RASA3: variants seen among roughly 807,000 people sequenced by gnomAD.
RASA3 encodes ras GTPase-activating protein 3.
Under a neutral mutation model 110.0 loss-of-function variants are expected in RASA3, and 73 were observed. The observed-to-expected ratio is 0.66, with a 90% CI of 0.55 to 0.81. The LOEUF is 0.81. RASA3 is among the 30% of genes least tolerant of loss of function. The pLI, the probability that RASA3 is intolerant of heterozygous loss-of-function variation, is 0.00. For synonymous variants in RASA3, 500 were observed against 451.4 expected (o/e 1.11, Z -1.37); for missense variants, 976 against 1,113.2 (o/e 0.88, Z 1.75).
At chr13:114,082,304 C>T (rs2079797820) in intron 1 of RASA3, among the ~76,000 whole-genome samples, 1 of 152,270 alleles carries the variant, frequency 6.6e-6, no homozygotes, top group Admixed American at 6.5e-5. Flanking sequence ...TGGTTTGCCT[C>T]ACGCAGTACC....
Position 114,043,246 on chromosome 13 carries a change from C to T in RASA3, c.278-2152G>A, listed in dbSNP as rs117166020. On this transcript the variant is annotated intron_variant, in intron 3 of 23. Coordinates refer to ENST00000334062, the MANE Select transcript of RASA3 (RefSeq NM_007368.4). ...TGGCCACAGGACATGGTGGGAGGTG[C>T]GGAAGGTGGAAAGAGGCACAAAGAC... Among the ~76,000 whole-genome samples, 595 of 152,212 alleles carry T rather than the reference C, an allele frequency of 3.9e-3. 10 individuals are homozygous for T. In the East Asian group the frequency reaches 0.043, roughly 11 times the overall value.
chr13:113,979,714 G>A (rs1056808331), intron 23 of RASA3, among the ~76,000 whole-genome samples: 3 of 152,158 alleles, frequency 2.0e-5, no homozygotes, highest in Non-Finnish European at 4.4e-5. Flanking sequence ...TATGGCACGT[G>A]TGCAGAATGT....
At chr13:114,033,599 C>G (rs1382576987) in intron 4 of RASA3, among the ~76,000 whole-genome samples, 19 of 145,884 alleles carry the variant, frequency 1.3e-4, no homozygotes, top group African/African-American at 4.4e-4. Flanking sequence ...TCCACGGCAC[C>G]CCCACACTTG....
intron 2 of RASA3, among the ~76,000 whole-genome samples, chr13:114,060,761 G>A (rs1594404119): frequency 6.6e-6 from 1 of 152,356 alleles, no homozygotes; most frequent in East Asian, 1.9e-4. Context: ...GAGCTGCAGT[G>A]TTATCAGTGG....
At chr13:114,046,423 G>A (rs1197597650) in intron 3 of RASA3, among the ~76,000 whole-genome samples, 1 of 152,268 alleles carries the variant, frequency 6.6e-6, no homozygotes, top group Non-Finnish European at 1.5e-5. Context: ...TTCCTGCAGA[G>A]AAGGGTTCCC....
At chr13:113,992,461 G>A in intron 22 of RASA3, 24 bp downstream of exon 22, 13 of 1,589,968 alleles carry the variant, frequency 8.2e-6, no homozygotes, top group Non-Finnish European at 1.0e-5. Flanking sequence ...TCGCTGCACA[G>A]ATCTGTGTGC....
At chr13:114,059,938 G>A (rs2079308506) in intron 2 of RASA3, among the ~76,000 whole-genome samples, 3 of 152,264 alleles carry the variant, frequency 2.0e-5, no homozygotes, top group Admixed American at 6.5e-5. Context: ...AATGTCCAAC[G>A]CGGGCAAGGC....
At chr13:113,995,788 G>A (rs866362021) in intron 21 of RASA3, among the ~76,000 whole-genome samples, 2 of 55,922 alleles carry the variant, frequency 3.6e-5, no homozygotes, top group East Asian at 5.4e-4. Flanking sequence ...CCCGGCTGAC[G>A]GGGGGTCCGG....
chr13:114,041,680 G>A (rs2054411107), intron 3 of RASA3, among the ~76,000 whole-genome samples: 1 of 152,286 alleles, frequency 6.6e-6, no homozygotes, highest in South Asian at 2.1e-4. Context: ...TGCCTAGGGT[G>A]CTTTCCGTGT....
At chr13:114,034,886 ATCT>A (rs2054251068) in intron 4 of RASA3, among the ~76,000 whole-genome samples, 1 of 152,102 alleles carries the variant, frequency 6.6e-6, no homozygotes, top group Non-Finnish European at 1.5e-5. Flanking sequence ...CAGAAGGGAG[ATCT>A]GAACGCTGAC....
chr13:114,130,377 A>C (rs907290441), intron 1 of RASA3, among the ~76,000 whole-genome samples: 3 of 152,202 alleles, frequency 2.0e-5, no homozygotes, highest in African/African-American at 7.2e-5. Context: ...TGGGAGGGTC[A>C]AAGGTTCAGA....
intron 1 of RASA3, among the ~76,000 whole-genome samples, chr13:114,075,915 GCGCCGGCAGGACGAAGCC>G (rs1451320164): frequency 1.0e-5 from 1 of 95,770 alleles, no homozygotes; most frequent in African/African-American, 4.3e-5. Context: ...GCGTGTGGAG[GCGCCGGCAGGACGAAGCC>G]TCCCGTGTCG....
rs1295282452 is a variant in RASA3, at chr13:114,065,955, A to G, written c.173+7765T>C. ...GGGCTGGGCTGAGACTCACAGCTGCAGCGGCCGTGGTGAGCCACCTCACCT... is the reference window on the plus strand; with the variant it reads ...GGGCTGGGCTGAGACTCACAGCTGCGGCGGCCGTGGTGAGCCACCTCACCT... On this transcript the variant is annotated intron_variant, in intron 2 of 23. Transcript: ENST00000334062. This position sits in a 1 kb window ranked among gnomAD's most constrained non-coding sequence, Gnocchi z 4.1. 6.6e-6 allele frequency among the ~76,000 whole-genome samples: 1 copy of G among 152,178 alleles called. No individual in the cohort carries two copies. Among genetic ancestry groups the G allele is most frequent in the Non-Finnish European group, 1.5e-5 (1 of 68,024 alleles).
At chr13:114,089,087 C>T (rs895469990) in intron 1 of RASA3, among the ~76,000 whole-genome samples, 3 of 152,116 alleles carry the variant, frequency 2.0e-5, no homozygotes, top group African/African-American at 4.8e-5. Context: ...CCCCTCAAGC[C>T]TCCCAGCAGG....
chr13:113,982,445 G>A (rs912038331), intron 22 of RASA3, among the ~76,000 whole-genome samples: 1 of 152,336 alleles, frequency 6.6e-6, no homozygotes, highest in Admixed American at 6.5e-5. Flanking sequence ...CCTACGCACC[G>A]GGGCCACCTT....
chr13:114,041,063 C>G lies in RASA3; in HGVS notation c.309G>C (p.Gln103His). The change falls in exon 4 of 24, where the codon CAG becomes CAC. Residue 103 changes from glutamine (Q) to histidine (H), a missense_variant. By Grantham distance (24) the Gln-to-His change is conservative (BLOSUM62 0). Around this residue, in one of 4 missense-constraint regions of RASA3, gnomAD observed 732 missense variants for 779.7 expected, o/e 0.94. Transcript: ENST00000334062. ...GKVAIQKEDL[Q>H]KYHNRDTWFQ... ...ACCAGGTGTCCCTGTTGTGGTACTT[C>G]TGCAAGTCCTCCTTCTGGATGGCCA... The G allele has an allele frequency of 6.2e-7, 1 of 1,613,856 alleles. No individual in the cohort carries two copies.
chr13:114,102,046 GAC>G (rs1443721348), intron 1 of RASA3, among the ~76,000 whole-genome samples: 6 of 152,268 alleles, frequency 3.9e-5, no homozygotes, highest in East Asian at 3.9e-4. Context: ...GGACCTGCCC[GAC>G]ACACAGTCCC....
intron 3 of RASA3, among the ~76,000 whole-genome samples, chr13:114,041,416 CTGT>C (rs1367675990): frequency 2.0e-5 from 3 of 152,290 alleles, no homozygotes; most frequent in Non-Finnish European, 2.9e-5. Context: ...TAAGTCTCCA[CTGT>C]GTCCCTTCCA....
chr13:113,984,481 C>T (rs1220638971), intron 22 of RASA3, among the ~76,000 whole-genome samples: 2 of 54,994 alleles, frequency 3.6e-5, no homozygotes, highest in African/African-American at 5.5e-5. Flanking sequence ...CGTCCATCCA[C>T]CCATCACTCA....
Sources: gnomAD v4.1 joint callset for allele counts (sites outside exome capture counted in the v4.1 genomes callset) on GRCh38, gnomAD v4.1.1 for gene constraint, gnomAD v4.1.1 regional missense constraint, Gnocchi (gnomAD v3.1) non-coding constraint, MANE v1.5 for transcripts, NCBI Gene and HGNC (gene_info 2026-07-23, HGNC 2026-07-21) for gene names.